The following TMEM255A variants were observed in gnomAD, a reference collection of about 807,000 sequenced individuals.
TMEM255A encodes transmembrane protein 255A.
TMEM255A carries 14 observed loss-of-function variants against 23.5 expected under a neutral mutation model. The observed-to-expected ratio is 0.60, with a 90% CI of 0.39 to 0.93. TMEM255A has a LOEUF of 0.93. Ranked by LOEUF, TMEM255A falls within the 40% of genes least tolerant of loss-of-function variation. The pLI, the probability that TMEM255A is intolerant of heterozygous loss-of-function variation, is 0.00. For missense variants in TMEM255A, 233 were observed against 261.7 expected (o/e 0.89, Z 0.76); for synonymous variants, 104 against 100.3 (o/e 1.04, Z -0.22).
At chrX:120,291,427 C>G in intron 3 of TMEM255A, 87 bp from the exon 4 acceptor site, 1 of 774,971 alleles carries the variant, frequency 1.3e-6, no homozygotes, top group Non-Finnish European at 1.9e-6. Context: ...AGACTTCCAG[C>G]CAAAGCAGAA....
the TMEM255A span, among the ~76,000 whole-genome samples, chrX:120,252,056 C>T: frequency 4.9e-4 from 55 of 112,299 alleles, no homozygotes; most frequent in Non-Finnish European, 9.6e-4. Context: ...ACCTGGAATT[C>T]CTTGGTACTG....
intron 8 of TMEM255A, among the ~76,000 whole-genome samples, chrX:120,265,317 C>A (rs1028530287): frequency 1.8e-5 from 2 of 112,103 alleles, no homozygotes; most frequent in Admixed American, 1.9e-4. Context: ...CTTACCCCCT[C>A]AAGACTTAGG....
At chrX:120,255,075 G>T (rs1556015156), downstream of TMEM255A, 2 of 1,210,246 alleles carry the variant, frequency 1.7e-6, no homozygotes, top group Admixed American at 2.2e-5. Flanking sequence ...TCAGTGTTTG[G>T]CCTGTGGCAA....
At chrX:120,304,985 G>C (rs1359620285) in intron 1 of TMEM255A, among the ~76,000 whole-genome samples, 2 of 111,614 alleles carry the variant, frequency 1.8e-5, no homozygotes, top group African/African-American at 6.5e-5. Context: ...AAGTTACTGG[G>C]ATTTTTTTTT....
intron 8 of TMEM255A, among the ~76,000 whole-genome samples, chrX:120,261,514 A>G (rs1185855493): frequency 8.9e-6 from 1 of 111,867 alleles, no homozygotes; most frequent in Non-Finnish European, 1.9e-5. Flanking sequence ...AGCCCCTCTC[A>G]TAGACAAGAA....
intron 2 of TMEM255A, among the ~76,000 whole-genome samples, chrX:120,300,554 A>AT (rs368966488): frequency 0.074 from 5,484 of 74,157 alleles, 267 homozygotes; most frequent in South Asian, 0.088. Flanking sequence ...GGCCAGGCTA[A>AT]TTTTTTTTTT....
chrX:120,301,244 A>C (rs1450332016), intron 2 of TMEM255A, among the ~76,000 whole-genome samples: 1 of 112,037 alleles, frequency 8.9e-6, no homozygotes, highest in African/African-American at 3.3e-5. Context: ...ATGCAAATTG[A>C]GTTATATTTT....
chrX:120,260,782 C>T lies in TMEM255A; in HGVS notation c.*88G>A. 8.9e-7 allele frequency: 1 copy of T among 1,121,147 alleles called. No homozygotes were observed. The highest frequency in any genetic ancestry group is 2.8e-5 in the Admixed American group (1 of 35,361). 92.4% of individuals were successfully genotyped at this position (1,121,147 alleles called of 1,213,427 possible). On this transcript the variant is annotated 3_prime_UTR_variant, in exon 9 of 9. Coordinates refer to ENST00000371369, the MANE Select transcript of TMEM255A (RefSeq NM_001104544.3). ...ATTGTAAAACTTTATGCATAAGAGTCACACTTTAAATTTTGTACCCTACAC... is the reference window on the plus strand; with the variant it reads ...ATTGTAAAACTTTATGCATAAGAGTTACACTTTAAATTTTGTACCCTACAC...
At chrX:120,265,988 C>CAA (rs782107279) in intron 8 of TMEM255A, among the ~76,000 whole-genome samples, 4,085 of 68,662 alleles carry the variant, frequency 0.059, 236 homozygotes, top group African/African-American at 0.14. Flanking sequence ...ACAAAAGATA[C>CAA]AAAAAAAAAA....
intron 2 of TMEM255A, among the ~76,000 whole-genome samples, chrX:120,300,477 T>G (rs2058025905): frequency 1.8e-5 from 2 of 109,335 alleles, no homozygotes; most frequent in Admixed American, 2.0e-4. Context: ...AACTTCCATC[T>G]CCTAGGCTCA....
downstream of TMEM255A, chrX:120,256,928 T>C (rs2042169061): frequency 8.2e-6 from 1 of 122,620 alleles, no homozygotes; most frequent in South Asian, 3.7e-4. Flanking sequence ...TTTTAAAATA[T>C]AGTCTATTTC....
At chrX:120,269,759 T>G (rs1172228400) in intron 7 of TMEM255A, among the ~76,000 whole-genome samples, 1 of 111,718 alleles carries the variant, frequency 9.0e-6, no homozygotes, top group African/African-American at 3.3e-5. Context: ...TTACATTTAC[T>G]CAGAAATGCC....
chrX:120,302,915 C>G (rs920635311), intron 2 of TMEM255A, among the ~76,000 whole-genome samples: 12 of 111,155 alleles, frequency 1.1e-4, no homozygotes, highest in Non-Finnish European at 2.3e-4. Flanking sequence ...CTCTCTCTCT[C>G]TCTCTCATTT....
At chrX:120,286,629 TGA>T (rs1302070788) in intron 5 of TMEM255A, among the ~76,000 whole-genome samples, 8 of 111,806 alleles carry the variant, frequency 7.2e-5, no homozygotes, top group Admixed American at 5.7e-4. Context: ...GGAGGTGTTA[TGA>T]GAGGGGCCAG....
Position 120,276,395 on chromosome X carries a change from G to A in TMEM255A, c.675+490C>T, listed in dbSNP as rs145013876. Reference sequence around the variant, plus strand: ...CAACTTAGCCTAGAGCTGGCTCTGCGAATGCAAACAGAAAAGAGCCCAGAT... The same window carrying A: ...CAACTTAGCCTAGAGCTGGCTCTGCAAATGCAAACAGAAAAGAGCCCAGAT... On this transcript the variant is annotated intron_variant, in intron 7 of 8. Coordinates refer to ENST00000371369, the MANE Select transcript of TMEM255A (RefSeq NM_001104544.3). 2.7e-3 allele frequency among the ~76,000 whole-genome samples: 302 copies of A among 111,997 alleles called. 2 individuals carry two copies. The highest frequency in any genetic ancestry group is 9.1e-3 in the African/African-American group (282 of 30,853).
At chrX:120,294,738 C>T (rs2057943149) in intron 2 of TMEM255A, among the ~76,000 whole-genome samples, 2 of 111,646 alleles carry the variant, frequency 1.8e-5, no homozygotes, top group Non-Finnish European at 3.8e-5. Flanking sequence ...TTGAAAAAGA[C>T]CTTCCACTTT....
At chrX:120,286,397 C>T (rs1442976254) in intron 5 of TMEM255A, among the ~76,000 whole-genome samples, 1 of 112,018 alleles carries the variant, frequency 8.9e-6, no homozygotes, top group East Asian at 2.8e-4. Context: ...TGTCAAGATT[C>T]CTGGAAGCCT....
intron 3 of TMEM255A, among the ~76,000 whole-genome samples, chrX:120,293,582 A>G (rs1389093917): frequency 2.7e-5 from 3 of 112,927 alleles, no homozygotes; most frequent in Non-Finnish European, 5.6e-5. Context: ...AAACTTGCCC[A>G]AAAGATTATG....
At chrX:120,268,130 A>G in intron 8 of TMEM255A, 114 bp downstream of exon 8, 3 of 856,751 alleles carry the variant, frequency 3.5e-6, no homozygotes, top group Non-Finnish European at 4.8e-6. Context: ...ATGCATGGCT[A>G]CCTCATACAT....
Sources: allele counts gnomAD v4.1 joint callset (sites outside exome capture counted in the v4.1 genomes callset), GRCh38; gene constraint gnomAD v4.1.1; transcripts MANE v1.5; gene names NCBI Gene and HGNC (gene_info 2026-07-23, HGNC 2026-07-21).